KIF26A: variants seen among roughly 807,000 people sequenced by gnomAD.
KIF26A encodes kinesin-like protein KIF26A.
KIF26A carries 74 observed loss-of-function variants against 126.0 expected under a neutral mutation model. That is an observed-to-expected ratio of 0.59 (90% CI 0.49 to 0.71). The LOEUF (loss-of-function observed/expected upper bound fraction) is 0.71, where lower values mean the gene tolerates loss of function less well. KIF26A is among the 30% of genes least tolerant of loss of function. KIF26A has a pLI of 0.00. For missense variants in KIF26A, 2,984 were observed against 2,763.3 expected (o/e 1.08, Z -1.79); for synonymous variants, 1,445 against 1,232.7 (o/e 1.17, Z -3.61).
Position 104,139,293 on chromosome 14 carries a change from G to C in KIF26A, c.288+5G>C, listed in dbSNP as rs748186203. 6.0e-6 allele frequency: 9 copies of C among 1,497,546 alleles called. No homozygotes were observed. The highest frequency in any genetic ancestry group is 1.4e-5 in the African/African-American group (1 of 70,378). The allele number at this position is 1,497,546 out of a possible 1,614,324, so 92.8% of individuals were successfully genotyped here. On this transcript the variant is annotated splice_donor_5th_base_variant and intron_variant, in intron 2 of 14. Coordinates refer to ENST00000423312, the MANE Select transcript of KIF26A (RefSeq NM_015656.2). The stretch of plus-strand genomic sequence containing the variant: ...GGGCCCGGGACCACCCTCCGGGTAA[G>C]TGACACTTCCTTAGGCCGACCCCTC...
At chr14:104,168,327 A>G (rs1048680207) in intron 5 of KIF26A, among the ~76,000 whole-genome samples, 1 of 152,166 alleles carries the variant, frequency 6.6e-6, no homozygotes, top group African/African-American at 2.4e-5. Flanking sequence ...CGAGCATTGT[A>G]CTTGCAGCCC....
chr14:104,160,189 G>C (rs753967035), intron 4 of KIF26A, among the ~76,000 whole-genome samples: 21 of 152,162 alleles, frequency 1.4e-4, no homozygotes, highest in Admixed American at 5.2e-4. Context: ...CTCAGGGAGC[G>C]GGCTTTGAGG....
Position 104,173,205 on chromosome 14 carries a change from T to C in KIF26A, c.1649T>C (p.Val550Ala). ...CTCCAGGACACCCAGTCTCCGGGAG[T>C]GTACCTGCGGGAGGACCCCGTGTGT... ...GSLQDTQSPG[V>A]YLREDPVCGA... The change falls in exon 8 of 15, where the codon GTG becomes GCG. Residue 550 changes from valine (V) to alanine (A), a missense_variant. Transcript: ENST00000423312. The C allele has an allele frequency of 6.2e-7, 1 of 1,610,696 alleles. No individual in the cohort carries two copies. Among genetic ancestry groups the C allele is most frequent in the Non-Finnish European group, 8.5e-7 (1 of 1,178,646 alleles).
chr14:104,177,621 C>T lies in KIF26A; in HGVS notation c.4833C>T (p.Ser1611=). 6.5e-7 allele frequency: 1 copy of T among 1,526,900 alleles called. No homozygotes were observed. The highest frequency in any genetic ancestry group is 8.8e-7 in the Non-Finnish European group (1 of 1,141,690). 94.6% of individuals were successfully genotyped at this position (1,526,900 alleles called of 1,614,324 possible). Residue 1611 remains serine, a synonymous_variant, in exon 12 of 15, where the codon TCC becomes TCT. Transcript: ENST00000423312. The part of the protein sequence containing the change: ...ERPPTGPALP[S]PYSKVTAPRR... ...CACCCACGGGCCCGGCCCTGCCCTC[C>T]CCCTACAGCAAGGTGACCGCCCCAC...
chr14:104,176,456 T>G lies in KIF26A; in HGVS notation c.3668T>G (p.Val1223Gly). 1 of 1,606,586 alleles carries G rather than the reference T, an allele frequency of 6.2e-7. No homozygotes were observed. Among genetic ancestry groups the G allele is most frequent in the Non-Finnish European group, 8.5e-7 (1 of 1,178,398 alleles). ...AGGACTGCCTCTGCCACCACCCGTG[T>G]GGGCTGTGCTCGCCTGGGCCAGAGC... ...KPRTASATTR[V>G]GCARLGQSPP... Residue 1223 changes from valine (V) to glycine (G), a missense_variant, in exon 12 of 15, where the codon GTG becomes GGG. Val to Gly is a moderately radical substitution (Grantham distance 109). Transcript: ENST00000423312.
rs1022835310 is a variant in KIF26A, at chr14:104,179,842, C to T, written c.*52C>T. 41 of 1,423,990 alleles carry T rather than the reference C, an allele frequency of 2.9e-5. No individual in the cohort carries two copies. The highest frequency in any genetic ancestry group is 2.3e-4 in the Middle Eastern group (1 of 4,376). The allele number at this position is 1,423,990 out of a possible 1,614,324, so 88.2% of individuals were successfully genotyped here. ...GCGTGCAGCGGGCTGGAGGACGGGA[C>T]GTGGGACGGAGCGAGGATGTGGTGG... On this transcript the variant is annotated 3_prime_UTR_variant, in exon 15 of 15. Coordinates refer to ENST00000423312, the MANE Select transcript of KIF26A (RefSeq NM_015656.2).
In KIF26A at chr14:104,152,128, G is replaced by A. The variant is rs753775214; in HGVS notation, c.402G>A (p.Gln134=). Residue 134 remains glutamine, a synonymous_variant, in exon 3 of 15, where the codon CAG becomes CAA. Coordinates refer to ENST00000423312, the MANE Select transcript of KIF26A (RefSeq NM_015656.2). The surrounding 1 kb of genome is among the most constrained non-coding windows in gnomAD (Gnocchi z 5.9). Reference sequence around the variant, plus strand: ...ACGTCTGCGCCACACACCTGCAGCAGCTCACACGGGAGGCCATGCACCTGC... The same window carrying A: ...ACGTCTGCGCCACACACCTGCAGCAACTCACACGGGAGGCCATGCACCTGC... ...RCDVCATHLQ[Q]LTREAMHLLQ... is the part of the protein sequence containing the mutation. 13 of 1,611,786 alleles carry A rather than the reference G, an allele frequency of 8.1e-6. No individual in the cohort carries two copies. Among genetic ancestry groups the A allele is most frequent in the Non-Finnish European group, 1.1e-5 (13 of 1,179,664 alleles).
intron 12 of KIF26A, among the ~76,000 whole-genome samples, chr14:104,178,300 CAG>C (rs2038058800): frequency 1.3e-5 from 2 of 152,180 alleles, no homozygotes; most frequent in South Asian, 2.1e-4. Flanking sequence ...CCCCAAGGGA[CAG>C]AACTGCTCAG....
intron 5 of KIF26A, among the ~76,000 whole-genome samples, chr14:104,168,210 T>C (rs75976538): frequency 0.043 from 6,554 of 152,302 alleles, 184 homozygotes; most frequent in Non-Finnish European, 0.063. Flanking sequence ...TGGGAGGGTT[T>C]GGAACATGCT....
intron 2 of KIF26A, among the ~76,000 whole-genome samples, chr14:104,140,480 G>A (rs1438285004): frequency 6.6e-6 from 1 of 152,204 alleles, no homozygotes; most frequent in Admixed American, 6.5e-5. Context: ...CCCCATTAGG[G>A]GAAACACGCC....
rs1199440186 is a variant in KIF26A, at chr14:104,152,508, A to G, written c.735+47A>G. 2 of 1,487,730 alleles carry G rather than the reference A, an allele frequency of 1.3e-6. No homozygotes were observed. The highest frequency in any genetic ancestry group is 8.9e-7 in the Non-Finnish European group (1 of 1,118,606). The allele number at this position is 1,487,730 out of a possible 1,614,324, so 92.2% of individuals were successfully genotyped here. ...TGGGAGCTGCTGGCCTCCTTGTCAG[A>G]ACTGGGCTTCCTTCGGGGGTCTCTG... On this transcript the variant is annotated intron_variant, in intron 3 of 14. Coordinates refer to ENST00000423312, the MANE Select transcript of KIF26A (RefSeq NM_015656.2). This position sits in a 1 kb window ranked among gnomAD's most constrained non-coding sequence, Gnocchi z 5.9.
intron 14 of KIF26A, 45 bp from the exon 15 acceptor site, chr14:104,179,564 C>A (rs531361368): frequency 4.0e-4 from 585 of 1,467,576 alleles, no homozygotes; most frequent in Admixed American, 8.5e-4. Context: ...TGCCCCCAGC[C>A]TCGGGCCTGA....
intron 1 of KIF26A, 95 bp from the exon 2 acceptor site, chr14:104,138,946 CTT>C (rs1338452329): frequency 1.5e-6 from 2 of 1,300,270 alleles, no homozygotes; most frequent in East Asian, 6.3e-5. Context: ...GGGCTCCTAA[CTT>C]TGGCAAGAGC....
chr14:104,156,656 G>A (rs550431971), intron 3 of KIF26A, among the ~76,000 whole-genome samples: 1 of 152,314 alleles, frequency 6.6e-6, no homozygotes, highest in South Asian at 2.1e-4. Flanking sequence ...CCATGGTGGT[G>A]AGGAGGGATA....
intron 3 of KIF26A, among the ~76,000 whole-genome samples, chr14:104,156,689 T>TA (rs1433955324): frequency 2.0e-5 from 3 of 152,202 alleles, no homozygotes; most frequent in East Asian, 3.9e-4. Context: ...GCAGGGCCTC[T>TA]GTCTGGAGTG....
chr14:104,159,858 C>T (rs1427909787), intron 4 of KIF26A, among the ~76,000 whole-genome samples: 1 of 146,102 alleles, frequency 6.8e-6, no homozygotes, highest in African/African-American at 2.6e-5. Context: ...GCTGCAGTAC[C>T]CTGAACCCTC....
intron 4 of KIF26A, among the ~76,000 whole-genome samples, chr14:104,166,112 C>A (rs970211934): frequency 1.5e-4 from 23 of 152,094 alleles, no homozygotes; most frequent in African/African-American, 5.3e-4. Context: ...TGGGGAGGCG[C>A]TCGCCCTGGC....
chr14:104,175,243 C>T lies in KIF26A; in HGVS notation c.2455C>T (p.Pro819Ser), dbSNP rs1453212359. Residue 819 changes from proline (P) to serine (S), a missense_variant, in exon 12 of 15, where the codon CCT becomes TCT. Physicochemically the swap from Pro to Ser is moderately conservative, Grantham distance 74. Transcript: ENST00000423312. ...TCCGCCTGACTTCGTGCCCATCATC[C>T]CTGCCCTGAGCCGCCACCGGCCCTC... ...EGPPDFVPIIPALSRHRPSKG... is the reference protein window; with the variant it reads ...EGPPDFVPIISALSRHRPSKG... The T allele has an allele frequency of 6.2e-7, 1 of 1,608,726 alleles. No homozygotes were observed. The highest frequency in any genetic ancestry group is 2.2e-5 in the East Asian group (1 of 44,868).
At position 104,139,114 on chromosome 14, in the gene KIF26A, C is replaced by T; in HGVS notation, c.114C>T (p.Ala38=). ...LEVSPRKRLP[A]GPDQDPCGSR... is the part of the protein sequence containing the mutation. The stretch of plus-strand genomic sequence containing the variant: ...TGTCCCCCCGAAAGAGGCTACCCGC[C>T]GGGCCCGACCAGGACCCATGCGGCA... The change falls in exon 2 of 15, where the codon GCC becomes GCT. Residue 38 remains alanine (A), a synonymous_variant. Transcript: ENST00000423312. 4 of 1,481,574 alleles carry T rather than the reference C, an allele frequency of 2.7e-6. No individual in the cohort carries two copies. The highest frequency in any genetic ancestry group is 2.9e-5 in the East Asian group (1 of 34,516). 91.8% of individuals were successfully genotyped at this position (1,481,574 alleles called of 1,614,324 possible). A position where few individuals can be genotyped will look rare whatever the true frequency, so the allele number is the denominator to read the frequency against.
Sources: gnomAD v4.1 joint callset for allele counts (sites outside exome capture counted in the v4.1 genomes callset) on GRCh38, gnomAD v4.1.1 for gene constraint, Gnocchi (gnomAD v3.1) non-coding constraint, MANE v1.5 for transcripts, NCBI Gene and HGNC (gene_info 2026-07-23, HGNC 2026-07-21) for gene names.